Variants in SHISAL2B observed in about 807,000 individuals in gnomAD.
The protein encoded by SHISAL2B is protein shisa-like-2B.
SHISAL2B carries 12 observed loss-of-function variants against 16.5 expected under a neutral mutation model. The observed-to-expected ratio is 0.73, with a 90% confidence interval of 0.47 to 1.18. The LOEUF (loss-of-function observed/expected upper bound fraction) is 1.18, where lower values mean the gene tolerates loss of function less well. Among genes scored for constraint, SHISAL2B ranks in the 50% most tolerant of loss-of-function variants. SHISAL2B has a pLI of 0.00. For synonymous variants in SHISAL2B, 72 were observed against 75.0 expected, an observed-to-expected ratio of 0.96 and a Z score of 0.21; for missense variants, 183 against 193.6, an observed-to-expected ratio of 0.95 and a Z score of 0.33.
chr5:64,690,922 G>A, intron 1 of SHISAL2B, 108 bp downstream of exon 1: 1 of 1,006,700 alleles, frequency 9.9e-7, no homozygotes, highest in South Asian at 1.9e-5. Context: ...CCCGCTATCC[G>A]CCCTAGGTTA....
At chr5:64,717,834 A>G (rs904235507) in intron 2 of SHISAL2B, 55 bp from the exon 3 acceptor site, 283 of 1,443,876 alleles carry the variant, frequency 2.0e-4, no homozygotes, top group South Asian at 7.4e-4. Context: ...GCAAATTTTT[A>G]TAAGTGAAAC....
chr5:64,692,077 A>T (rs1276192864), intron 1 of SHISAL2B, among the ~76,000 whole-genome samples: 1 of 152,210 alleles, frequency 6.6e-6, no homozygotes, highest in African/African-American at 2.4e-5. Flanking sequence ...GACAGGGGCA[A>T]AATGTCAGAA....
At chr5:64,704,445 T>C (rs1217337610) in intron 2 of SHISAL2B, among the ~76,000 whole-genome samples, 2 of 152,236 alleles carry the variant, frequency 1.3e-5, no homozygotes, top group African/African-American at 4.8e-5. Context: ...AATGCCAGTC[T>C]AGGAAGTATA....
chr5:64,692,965 G>A (rs1741671961), intron 1 of SHISAL2B, among the ~76,000 whole-genome samples: 1 of 152,034 alleles, frequency 6.6e-6, no homozygotes, highest in Non-Finnish European at 1.5e-5. Context: ...CATCTTTTCT[G>A]AGAGTTAATA....
chr5:64,693,401 T>C (rs972193580), intron 1 of SHISAL2B, among the ~76,000 whole-genome samples: 2 of 152,192 alleles, frequency 1.3e-5, no homozygotes, highest in African/African-American at 2.4e-5. Flanking sequence ...ATGGATGGCA[T>C]GCTTTGTTTT....
chr5:64,700,877 G>C (rs1741799911), intron 2 of SHISAL2B, among the ~76,000 whole-genome samples: 1 of 152,206 alleles, frequency 6.6e-6, no homozygotes, highest in Non-Finnish European at 1.5e-5. Context: ...GCACAACCTA[G>C]ATCCCTCACA....
intron 2 of SHISAL2B, among the ~76,000 whole-genome samples, chr5:64,697,275 G>C (rs998534734): frequency 1.3e-5 from 2 of 152,208 alleles, no homozygotes; most frequent in Non-Finnish European, 2.9e-5. Flanking sequence ...TTATCTGTGT[G>C]TCTACTGTGT....
chr5:64,713,106 C>T (rs1314703930), intron 2 of SHISAL2B, among the ~76,000 whole-genome samples: 4 of 141,942 alleles, frequency 2.8e-5, no homozygotes, highest in African/African-American at 8.0e-5. Flanking sequence ...TGATTTTGCT[C>T]GTTAGTTGAT....
rs1476933041 is a variant in SHISAL2B at position 64,718,182 on chromosome 5, T to C, written c.*160T>C. 9.3e-6 allele frequency: 5 copies of C among 540,506 alleles called. No homozygotes were observed. Among genetic ancestry groups the C allele is most frequent in the Non-Finnish European group, 1.5e-5 (5 of 329,770 alleles). The allele number at this position is 540,506 out of a possible 1,614,324, so 33.5% of individuals were successfully genotyped here. A position where few individuals can be genotyped will look rare whatever the true frequency, so the allele number is the denominator to read the frequency against. Reference sequence around the variant, plus strand: ...ATTCAGTTACTTTATTAAACGCACATTAAGGTTTTATTGGTTTTCCTTTGT... The same window carrying C: ...ATTCAGTTACTTTATTAAACGCACACTAAGGTTTTATTGGTTTTCCTTTGT... On this transcript the variant is annotated 3_prime_UTR_variant, in exon 3 of 3. Coordinates refer to ENST00000389074, the MANE Select transcript of SHISAL2B (RefSeq NM_001164442.2).
intron 2 of SHISAL2B, 136 bp from the exon 3 acceptor site, chr5:64,717,753 A>G (rs1056750710): frequency 2.7e-5 from 18 of 662,858 alleles, no homozygotes; most frequent in South Asian, 2.0e-4. Context: ...AAATAACTCA[A>G]TTCTCACTCA....
At chr5:64,702,480 G>C (rs551480496) in intron 2 of SHISAL2B, among the ~76,000 whole-genome samples, 1 of 152,012 alleles carries the variant, frequency 6.6e-6, no homozygotes, top group Admixed American at 6.6e-5. Flanking sequence ...GATTACAGGC[G>C]TGAGCCACCG....
At chr5:64,712,984 T>C (rs1741980773) in intron 2 of SHISAL2B, among the ~76,000 whole-genome samples, 1 of 152,204 alleles carries the variant, frequency 6.6e-6, no homozygotes, top group Non-Finnish European at 1.5e-5. Context: ...GGGTCTTGAC[T>C]CTTTATGCAA....
At chr5:64,708,761 G>C (rs1741908824) in intron 2 of SHISAL2B, among the ~76,000 whole-genome samples, 1 of 152,052 alleles carries the variant, frequency 6.6e-6, no homozygotes, top group South Asian at 2.1e-4. Context: ...TTGGGCAAAG[G>C]CTATTTTCCA....
At chr5:64,717,853 A>C in intron 2 of SHISAL2B, 36 bp from the exon 3 acceptor site, 1 of 1,482,448 alleles carries the variant, frequency 6.7e-7, no homozygotes, top group Non-Finnish European at 8.9e-7. Flanking sequence ...ACGATGTCAT[A>C]ATTTCAAATA....
chr5:64,705,996 C>T (rs1039341159), intron 2 of SHISAL2B, among the ~76,000 whole-genome samples: 1 of 152,040 alleles, frequency 6.6e-6, no homozygotes, highest in Non-Finnish European at 1.5e-5. Flanking sequence ...CCATCTCTAC[C>T]AAAAAATTAA....
intron 2 of SHISAL2B, among the ~76,000 whole-genome samples, chr5:64,705,971 C>CAACA (rs1369494464): frequency 6.6e-6 from 1 of 152,138 alleles, no homozygotes; most frequent in Non-Finnish European, 1.5e-5. Flanking sequence ...CCAGCCTGGG[C>CAACA]AACACAGTGA....
intron 2 of SHISAL2B, among the ~76,000 whole-genome samples, chr5:64,699,037 T>C (rs1741773758): frequency 6.6e-6 from 1 of 152,218 alleles, no homozygotes; most frequent in African/African-American, 2.4e-5. Flanking sequence ...AGCAACAGAA[T>C]TAGTTGGTTT....
At chr5:64,709,076 GT>G (rs1250188366) in intron 2 of SHISAL2B, among the ~76,000 whole-genome samples, 19 of 142,640 alleles carry the variant, frequency 1.3e-4, no homozygotes, top group African/African-American at 4.7e-4. Context: ...TAGGGTACAT[GT>G]GCACATTGTG....
At chr5:64,693,033 G>A (rs1382220213) in intron 1 of SHISAL2B, among the ~76,000 whole-genome samples, 1 of 151,418 alleles carries the variant, frequency 6.6e-6, no homozygotes, top group Non-Finnish European at 1.5e-5. Flanking sequence ...TTTGAAACGG[G>A]GTCTCACTCT....
Sources: allele counts gnomAD v4.1 joint callset (sites outside exome capture counted in the v4.1 genomes callset), GRCh38; gene constraint gnomAD v4.1.1; transcripts MANE v1.5; gene names NCBI Gene and HGNC (gene_info 2026-07-23, HGNC 2026-07-21).